The following KRTAP5-7 variants were observed in gnomAD, a reference collection of about 807,000 sequenced individuals.
The protein encoded by KRTAP5-7 is keratin associated protein 5-7.
KRTAP5-7 carries 1 observed loss-of-function variant against 2.4 expected under a neutral mutation model. The ratio of observed to expected loss-of-function variants is 0.42; its 90% CI spans 0.15 to 2.01. The LOEUF is 2.01. Among genes scored for constraint, KRTAP5-7 ranks in the 30% most tolerant of loss-of-function variants. The pLI, the probability that KRTAP5-7 is intolerant of heterozygous loss-of-function variation, is 0.29. For missense variants in KRTAP5-7, 161 were observed against 200.8 expected, an observed-to-expected ratio of 0.80 and a Z score of 1.20; for synonymous variants, 55 against 80.8, an observed-to-expected ratio of 0.68 and a Z score of 1.71.
Position 71,527,858 on chromosome 11 carries a change from G to T in KRTAP5-7, c.*60G>T. The T allele has an allele frequency of 6.2e-7, 1 of 1,608,606 alleles. No individual in the cohort carries two copies. Among genetic ancestry groups the T allele is most frequent in the South Asian group, 1.1e-5 (1 of 90,208 alleles). On this transcript the variant is annotated 3_prime_UTR_variant, in exon 1 of 1. Coordinates refer to ENST00000398536, the MANE Select transcript of KRTAP5-7 (RefSeq NM_001012503.2). ...ACCCCATTTTCCGAAGCTGTGACCT[G>T]TCCTTCATCGTTGAGCCCCAAACCA...
chr11:71,528,225 A>G lies in KRTAP5-7; in HGVS notation c.*427A>G, dbSNP rs1950005068. On this transcript the variant is annotated 3_prime_UTR_variant, in exon 1 of 1. Coordinates refer to ENST00000398536, the MANE Select transcript of KRTAP5-7 (RefSeq NM_001012503.2). ...AAATGAAAAGTTGCAAACTAATAAA[A>G]ATACCATGCCGACAAACTGAAACAC... 4.0e-6 allele frequency: 1 copy of G among 252,252 alleles called. No individual in the cohort carries two copies. Among genetic ancestry groups the G allele is most frequent in the South Asian group, 7.5e-5 (1 of 13,334 alleles). 15.6% of individuals were successfully genotyped at this position (252,252 alleles called of 1,614,324 possible).
rs1163570484 is a variant in KRTAP5-7, at chr11:71,528,064, T to C, written c.*266T>C. On this transcript the variant is annotated 3_prime_UTR_variant, in exon 1 of 1. Coordinates refer to ENST00000398536, the MANE Select transcript of KRTAP5-7 (RefSeq NM_001012503.2). The stretch of plus-strand genomic sequence containing the variant: ...GCCTTTGCTTGTGTATTCAGAGGCC[T>C]GAGCTCCTGAACCCACTTGAAGTCC... 1 of 643,986 alleles carries C rather than the reference T, an allele frequency of 1.6e-6. No homozygotes were observed. The highest frequency in any genetic ancestry group is 2.6e-6 in the Non-Finnish European group (1 of 380,300). The allele number at this position is 643,986 out of a possible 1,614,324, so 39.9% of individuals were successfully genotyped here. A position where few individuals can be genotyped will look rare whatever the true frequency, so the allele number is the denominator to read the frequency against.
rs533980995 is a variant in KRTAP5-7, at chr11:71,528,162, T to G, written c.*364T>G. The G allele has an allele frequency of 1.9e-3, 719 of 384,940 alleles. 2 individuals are homozygous for G. The highest frequency in any genetic ancestry group is 3.2e-3 in the Non-Finnish European group (649 of 200,598). The allele number at this position is 384,940 out of a possible 1,614,324, so 23.8% of individuals were successfully genotyped here. ...AAGGTGGGCGTTTAAGAGGCTTCCT[T>G]GGAGTGGCTTTGCCTGTCCAACACT... On this transcript the variant is annotated 3_prime_UTR_variant, in exon 1 of 1. Coordinates refer to ENST00000398536, the MANE Select transcript of KRTAP5-7 (RefSeq NM_001012503.2).
Position 71,527,428 on chromosome 11 carries a change from A to C in KRTAP5-7, c.128A>C (p.Lys43Thr), listed in dbSNP as rs761566866. The C allele has an allele frequency of 1.9e-6, 3 of 1,609,082 alleles. No individual in the cohort carries two copies. The highest frequency in any genetic ancestry group is 2.5e-6 in the Non-Finnish European group (3 of 1,178,810). The stretch of plus-strand genomic sequence containing the variant: ...TGCTGTGTGCCCGTCTGCTGCTGCA[A>C]GCCCGTGTGCTGCTGTGTGCCAGCC... ...SSCCVPVCCC[K>T]PVCCCVPACS... Residue 43 changes from lysine (K) to threonine (T), a missense_variant, in exon 1 of 1, where the codon AAG becomes ACG. By Grantham distance (78) the Lys-to-Thr change is moderately conservative. Transcript: ENST00000398536.
At position 71,527,284 on chromosome 11, in the gene KRTAP5-7, C is replaced by G. The variant is rs200848009; in HGVS notation, c.-17C>G. 896 of 1,613,370 alleles carry G rather than the reference C, an allele frequency of 5.6e-4. 2 individuals carry two copies. Among genetic ancestry groups the G allele is most frequent in the Non-Finnish European group, 6.9e-4 (809 of 1,180,022 alleles). On this transcript the variant is annotated 5_prime_UTR_variant, in exon 1 of 1. Transcript: ENST00000398536. ...CACCTGCTCCTCTACCTGCTCCACC[C>G]TCAATCCACCAGAACCATGGGCTGC...
rs1950004082 is a variant in KRTAP5-7 at position 71,527,997 on chromosome 11, C to T, written c.*199C>T. 9.4e-7 allele frequency: 1 copy of T among 1,058,796 alleles called. No homozygotes were observed. Among genetic ancestry groups the T allele is most frequent in the Non-Finnish European group, 1.4e-6 (1 of 738,322 alleles). 65.6% of individuals were successfully genotyped at this position (1,058,796 alleles called of 1,614,324 possible). ...CTCCTAACAAATTCTCTTCCCAAGT[C>T]AACTGCAACTGCGGCTGAATCACCC... On this transcript the variant is annotated 3_prime_UTR_variant, in exon 1 of 1. Coordinates refer to ENST00000398536, the MANE Select transcript of KRTAP5-7 (RefSeq NM_001012503.2).
In KRTAP5-7 at chr11:71,527,976, TA is replaced by T; in HGVS notation, c.*180del. On this transcript the variant is annotated 3_prime_UTR_variant, in exon 1 of 1. Transcript: ENST00000398536. ...ACCCTAATTAATGTCCATTCCCTCC[TA>T]ACAAATTCTCTTCCCAAGTCAACTG... 1 of 1,222,102 alleles carries T rather than the reference TA, an allele frequency of 8.2e-7. No homozygotes were observed. The highest frequency in any genetic ancestry group is 1.1e-6 in the Non-Finnish European group (1 of 877,770). The allele number at this position is 1,222,102 out of a possible 1,614,324, so 75.7% of individuals were successfully genotyped here.
chr11:71,528,435 C>T lies in KRTAP5-7; in HGVS notation c.*637C>T, dbSNP rs1950006119. 1 of 175,540 alleles carries T rather than the reference C, an allele frequency of 5.7e-6. No individual in the cohort carries two copies. Among genetic ancestry groups the T allele is most frequent in the Non-Finnish European group, 1.4e-5 (1 of 73,158 alleles). The allele number at this position is 175,540 out of a possible 1,614,324, so 10.9% of individuals were successfully genotyped here. On this transcript the variant is annotated 3_prime_UTR_variant, in exon 1 of 1. Transcript: ENST00000398536. ...GGCTGACCCCTCTTTTCTCAGAACC[C>T]CTCTCTTCCTAGGTCTTTCCAGCTA...
In KRTAP5-7 at chr11:71,527,359, G is replaced by T; in HGVS notation, c.59G>T (p.Gly20Val). ...TCCGGCTGTGGGGGCTGTGGCTCCG[G>T]CTGTGGGGGCTGTGGCTCTGGCTGT... is the stretch of plus-strand genomic sequence containing the variant. Reference protein sequence around the residue: ...CGSGCGGCGSGCGGCGSGCGG... With the variant: ...CGSGCGGCGSVCGGCGSGCGG... Residue 20 changes from glycine (G) to valine (V), a missense_variant, in exon 1 of 1, where the codon GGC (glycine) becomes GTC (valine). Around this residue, in one of 4 missense-constraint regions of KRTAP5-7, gnomAD observed 116 missense variants for 113.7 expected, o/e 1.02. Coordinates refer to ENST00000398536, the MANE Select transcript of KRTAP5-7 (RefSeq NM_001012503.2). The T allele has an allele frequency of 6.2e-7, 1 of 1,611,894 alleles. No individual in the cohort carries two copies. The highest frequency in any genetic ancestry group is 8.5e-7 in the Non-Finnish European group (1 of 1,179,382).
rs1371104465 is a variant in KRTAP5-7 at position 71,527,457 on chromosome 11, T to A, written c.157T>A (p.Ser53Thr). Residue 53 changes from serine (S) to threonine (T), a missense_variant, in exon 1 of 1, where the codon TCC (serine) becomes ACC (threonine). Around this residue, in one of 4 missense-constraint regions of KRTAP5-7, gnomAD observed 116 missense variants for 113.7 expected, o/e 1.02. Transcript: ENST00000398536. The part of the protein sequence containing the change: ...KPVCCCVPAC[S>T]CSSCGSCGGS... The stretch of plus-strand genomic sequence containing the variant: ...CGTGTGCTGCTGTGTGCCAGCCTGT[T>A]CCTGCTCCAGCTGTGGCTCCTGTGG... 2 of 1,609,890 alleles carry A rather than the reference T, an allele frequency of 1.2e-6. No individual in the cohort carries two copies. The highest frequency in any genetic ancestry group is 1.7e-6 in the Non-Finnish European group (2 of 1,178,678).
rs1950004984 is a variant in KRTAP5-7 at position 71,528,205 on chromosome 11, A to G, written c.*407A>G. On this transcript the variant is annotated 3_prime_UTR_variant, in exon 1 of 1. Transcript: ENST00000398536. ...CCAACACTCTGCTTTATCTTAAATG[A>G]AAAGTTGCAAACTAATAAAAATACC... The G allele has an allele frequency of 3.7e-6, 1 of 273,884 alleles. No homozygotes were observed. The highest frequency in any genetic ancestry group is 7.4e-6 in the Non-Finnish European group (1 of 136,038). The allele number at this position is 273,884 out of a possible 1,614,324, so 17.0% of individuals were successfully genotyped here.
In KRTAP5-7 at chr11:71,528,643, T is replaced by G. The variant is rs1269988419; in HGVS notation, c.*845T>G. On this transcript the variant is annotated 3_prime_UTR_variant, in exon 1 of 1. Coordinates refer to ENST00000398536, the MANE Select transcript of KRTAP5-7 (RefSeq NM_001012503.2). ...CTTTGTTGTTACACAGCCTGTTGCC[T>G]CTGTAAATAAACACTCCTAGCACCA... 1 of 166,776 alleles carries G rather than the reference T, an allele frequency of 6.0e-6. No homozygotes were observed. The highest frequency in any genetic ancestry group is 1.5e-5 in the Non-Finnish European group (1 of 68,200). 10.3% of individuals were successfully genotyped at this position (166,776 alleles called of 1,614,324 possible).
At position 71,527,536 on chromosome 11, in the gene KRTAP5-7, C is replaced by G. The variant is rs1383719618; in HGVS notation, c.236C>G (p.Ser79Cys). The G allele has an allele frequency of 6.2e-7, 1 of 1,607,164 alleles. No homozygotes were observed. The highest frequency in any genetic ancestry group is 8.5e-7 in the Non-Finnish European group (1 of 1,177,824). The change falls in exon 1 of 1, where the codon TCT becomes TGT. Residue 79 changes from serine (S) to cysteine (C), a missense_variant. By Grantham distance (112) the Ser-to-Cys change is moderately radical (BLOSUM62 -1). Coordinates refer to ENST00000398536, the MANE Select transcript of KRTAP5-7 (RefSeq NM_001012503.2). The stretch of plus-strand genomic sequence containing the variant: ...GGGGGCTCCAAGGGGGGCTGTGGCT[C>G]TTGTGGGGGTTCTAAGGGGGGCTGT... ...SCGGSKGGCG[S>C]CGGSKGGCGS...
In KRTAP5-7 at chr11:71,527,817, CA is replaced by C. The variant is rs1950003218; in HGVS notation, c.*20del. On this transcript the variant is annotated 3_prime_UTR_variant, in exon 1 of 1. Transcript: ENST00000398536. ...GATCTGAGGCTCTGGACTCAGGTCT[CA>C]TGTGAGTCCTGCTAACCCCATTTTC... The C allele has an allele frequency of 6.2e-7, 1 of 1,614,018 alleles. No individual in the cohort carries two copies. Among genetic ancestry groups the C allele is most frequent in the Admixed American group, 1.7e-5 (1 of 60,002 alleles).
Position 71,527,979 on chromosome 11 carries a change from C to T in KRTAP5-7, c.*181C>T. ...CTAATTAATGTCCATTCCCTCCTAA[C>T]AAATTCTCTTCCCAAGTCAACTGCA... On this transcript the variant is annotated 3_prime_UTR_variant, in exon 1 of 1. Coordinates refer to ENST00000398536, the MANE Select transcript of KRTAP5-7 (RefSeq NM_001012503.2). 8 of 1,216,284 alleles carry T rather than the reference C, an allele frequency of 6.6e-6. No homozygotes were observed. Among genetic ancestry groups the T allele is most frequent in the Non-Finnish European group, 9.2e-6 (8 of 873,274 alleles). 75.3% of individuals were successfully genotyped at this position (1,216,284 alleles called of 1,614,324 possible). A position where few individuals can be genotyped will look rare whatever the true frequency, so the allele number is the denominator to read the frequency against.
Position 71,527,884 on chromosome 11 carries a change from C to T in KRTAP5-7, c.*86C>T, listed in dbSNP as rs1015368778. The T allele has an allele frequency of 1.1e-4, 180 of 1,596,932 alleles. No individual in the cohort carries two copies. Among genetic ancestry groups the T allele is most frequent in the Non-Finnish European group, 1.5e-4 (172 of 1,170,128 alleles). ...TCCTTCATCGTTGAGCCCCAAACCA[C>T]TGCTCAGGGTCCATTCCTCACTATA... On this transcript the variant is annotated 3_prime_UTR_variant, in exon 1 of 1. Coordinates refer to ENST00000398536, the MANE Select transcript of KRTAP5-7 (RefSeq NM_001012503.2).
Position 71,528,111 on chromosome 11 carries a change from C to A in KRTAP5-7, c.*313C>A. ...GTCCTGTCTTTTCCAGCTGGAGCAG[C>A]TGGGCATGAGTGTCCCACCTGCAAC... On this transcript the variant is annotated 3_prime_UTR_variant, in exon 1 of 1. Transcript: ENST00000398536. 2.0e-6 allele frequency: 1 copy of A among 499,530 alleles called. No homozygotes were observed. Among genetic ancestry groups the A allele is most frequent in the Non-Finnish European group, 3.7e-6 (1 of 272,226 alleles). The allele number at this position is 499,530 out of a possible 1,614,324, so 30.9% of individuals were successfully genotyped here.
In KRTAP5-7 at chr11:71,528,176, C is replaced by T. The variant is rs1002708454; in HGVS notation, c.*378C>T. ...AGAGGCTTCCTTGGAGTGGCTTTGC[C>T]TGTCCAACACTCTGCTTTATCTTAA... On this transcript the variant is annotated 3_prime_UTR_variant, in exon 1 of 1. Transcript: ENST00000398536. The T allele has an allele frequency of 3.5e-5, 12 of 344,458 alleles. No homozygotes were observed. Among genetic ancestry groups the T allele is most frequent in the Non-Finnish European group, 6.2e-5 (11 of 178,028 alleles). The allele number at this position is 344,458 out of a possible 1,614,324, so 21.3% of individuals were successfully genotyped here. A position where few individuals can be genotyped will look rare whatever the true frequency, so the allele number is the denominator to read the frequency against.
rs756874010 is a variant in KRTAP5-7 at position 71,527,313 on chromosome 11, G to A, written c.13G>A (p.Gly5Ser). Residue 5 changes from glycine to serine, a missense_variant, in exon 1 of 1, where the codon GGC (glycine) becomes AGC (serine). This residue lies in a region of KRTAP5-7 where 116 missense variants were observed against 113.7 expected (regional missense o/e 1.02). Coordinates refer to ENST00000398536, the MANE Select transcript of KRTAP5-7 (RefSeq NM_001012503.2). The part of the protein sequence containing the change: MGCC[G>S]CSEGCGSGCG... ...ATCCACCAGAACCATGGGCTGCTGT[G>A]GCTGTTCCGAAGGCTGTGGCTCCGG... 31 of 1,613,366 alleles carry A rather than the reference G, an allele frequency of 1.9e-5. 2 individuals carry two copies. In the South Asian group the frequency reaches 3.4e-4, roughly 18 times the overall value.
Sources: gnomAD v4.1 joint callset for allele counts on GRCh38, gnomAD v4.1.1 for gene constraint, gnomAD v4.1.1 regional missense constraint, MANE v1.5 for transcripts, NCBI Gene and HGNC (gene_info 2026-07-23, HGNC 2026-07-21) for gene names.